Variants in TMC6 observed in about 807,000 individuals in gnomAD.
The protein encoded by TMC6 is transmembrane channel like 6.
In TMC6, 71 loss-of-function variants were observed where a neutral mutation model predicts 95.4. That is an observed-to-expected ratio of 0.74 (90% CI 0.61 to 0.91). TMC6 has a LOEUF of 0.91. Ranked by LOEUF, TMC6 falls within the 40% of genes least tolerant of loss-of-function variation. The pLI is 0.00. For missense variants in TMC6, 1,074 were observed against 1,079.1 expected (o/e 1.00, Z 0.07); for synonymous variants, 514 against 483.1 (o/e 1.06, Z -0.84).
At position 78,112,594 on chromosome 17, in the gene TMC6, T is replaced by C; in HGVS notation, c.*554A>G. 1 of 163,822 alleles carries C rather than the reference T, an allele frequency of 6.1e-6. No individual in the cohort carries two copies. Among genetic ancestry groups the C allele is most frequent in the Non-Finnish European group, 1.3e-5 (1 of 74,652 alleles). 10.1% of individuals were successfully genotyped at this position (163,822 alleles called of 1,614,324 possible). A position where few individuals can be genotyped will look rare whatever the true frequency, so the allele number is the denominator to read the frequency against. The stretch of plus-strand genomic sequence containing the variant: ...GCAACTGATATGTCTCCCCTCCAAG[T>C]CCCTCTCTAAATTTGTCTCCTGCTC... On this transcript the variant is annotated 3_prime_UTR_variant, in exon 20 of 20. Coordinates refer to ENST00000590602, the MANE Select transcript of TMC6 (RefSeq NM_001127198.5).
At position 78,121,375 on chromosome 17, in the gene TMC6, G is replaced by C. The variant is rs960612089; in HGVS notation, c.1383+181C>G. ...CAGAAACCAAAAAATAAAACCGTGA[G>C]ACAGGACAAGGGGCTGAGAAGTGGG... On this transcript the variant is annotated intron_variant, in intron 11 of 19. Coordinates refer to ENST00000590602, the MANE Select transcript of TMC6 (RefSeq NM_001127198.5). This position sits in a 1 kb window ranked among gnomAD's most constrained non-coding sequence, Gnocchi z 5.6. 2.0e-5 allele frequency among the ~76,000 whole-genome samples: 3 copies of C among 152,194 alleles called. No homozygotes were observed. Among genetic ancestry groups the C allele is most frequent in the African/African-American group, 7.2e-5 (3 of 41,458 alleles).
At chr17:78,131,761 C>G (rs914259858), upstream of TMC6, 17 of 1,566,154 alleles carry the variant, frequency 1.1e-5, no homozygotes, top group Admixed American at 1.9e-5. Flanking sequence ...GGGCGCCAGA[C>G]GGTGCGTGGG....
chr17:78,118,939 G>A (rs1436932253), intron 15 of TMC6, 32 bp downstream of exon 15: 2 of 1,571,122 alleles, frequency 1.3e-6, no homozygotes, highest in Admixed American at 1.9e-5. Context: ...CACCCTGCCA[G>A]CCCAGCCCTC....
intron 12 of TMC6, 61 bp downstream of exon 12, chr17:78,120,952 G>T: frequency 6.2e-7 from 1 of 1,612,560 alleles, no homozygotes; most frequent in Non-Finnish European, 8.5e-7. Flanking sequence ...GGATACACCC[G>T]GAGCTAAACA....
At position 78,121,571 on chromosome 17, in the gene TMC6, C is replaced by T. The variant is rs781005432; in HGVS notation, c.1368G>A (p.Ser456=). The change falls in exon 11 of 20, where the codon TCG becomes TCA. Residue 456 remains serine (S), a synonymous_variant. Transcript: ENST00000590602. The surrounding 1 kb of genome is among the most constrained non-coding windows in gnomAD (Gnocchi z 5.6). ...ATCCCCGCACCTGGATCATGAACTCCGAGAAGACGTGGACGGCCACGGCGC... is the reference window on the plus strand; with the variant it reads ...ATCCCCGCACCTGGATCATGAACTCTGAGAAGACGTGGACGGCCACGGCGC... ...LGCAVAVHVF[S]EFMIQSPEAA... The T allele has an allele frequency of 3.7e-5, 60 of 1,611,344 alleles. 1 individual carries two copies. In the South Asian group the frequency reaches 4.0e-4, roughly 11 times the overall value.
At chr17:78,125,043 C>T in intron 6 of TMC6, 58 bp from the exon 7 acceptor site, 1 of 1,542,742 alleles carries the variant, frequency 6.5e-7, no homozygotes, top group Non-Finnish European at 8.7e-7. Context: ...CTCTCTCCTT[C>T]CTGGAGACCG....
At chr17:78,115,169 C>T (rs571935415) in intron 18 of TMC6, among the ~76,000 whole-genome samples, 13 of 152,350 alleles carry the variant, frequency 8.5e-5, no homozygotes, top group Admixed American at 3.3e-4. Context: ...GGAGCCGTCC[C>T]ATGAGTGCTT....
Position 78,122,561 on chromosome 17 carries a change from G to A in TMC6, c.1227+44C>T, listed in dbSNP as rs1025421526. On this transcript the variant is annotated intron_variant, in intron 10 of 19. Transcript: ENST00000590602. This position sits in a 1 kb window ranked among gnomAD's most constrained non-coding sequence, Gnocchi z 4.9. Reference sequence around the variant, plus strand: ...CCTAAGTGGACCCAGGGCCAGGCCTGCAGGGAGCTGGGCAGGCCAGCTTGG... The same window carrying A: ...CCTAAGTGGACCCAGGGCCAGGCCTACAGGGAGCTGGGCAGGCCAGCTTGG... 1 of 1,602,306 alleles carries A rather than the reference G, an allele frequency of 6.2e-7. No homozygotes were observed. Among genetic ancestry groups the A allele is most frequent in the Non-Finnish European group, 8.5e-7 (1 of 1,179,500 alleles).
chr17:78,132,416 T>C, upstream of TMC6: 1 of 1,612,968 alleles, frequency 6.2e-7, no homozygotes, highest in Non-Finnish European at 8.5e-7. Context: ...CTGCTGCTAC[T>C]CAACCTGCTG....
chr17:78,114,288 C>T (rs377701892), intron 18 of TMC6, among the ~76,000 whole-genome samples: 44 of 152,274 alleles, frequency 2.9e-4, no homozygotes, highest in East Asian at 2.3e-3. Context: ...CCTGACACTC[C>T]GGCCTCTGTT....
chr17:78,113,581 A>G lies in TMC6; in HGVS notation c.2321T>C (p.Ile774Thr). Reference protein sequence around the residue: ...KIFLINKLHSIYERKEREERS... With the variant: ...KIFLINKLHSTYERKEREERS... Reference sequence around the variant, plus strand: ...CTCCTCCCTCTCCTTCCTCTCGTAGATGGAGTGAAGCTTGTTGATTAAGAA... The same window carrying G: ...CTCCTCCCTCTCCTTCCTCTCGTAGGTGGAGTGAAGCTTGTTGATTAAGAA... Residue 774 changes from isoleucine (I) to threonine (T), a missense_variant, in exon 19 of 20, where the codon ATC becomes ACC. Ile to Thr is a moderately conservative substitution (Grantham distance 89, BLOSUM62 -1). Transcript: ENST00000590602. 1 of 1,613,928 alleles carries G rather than the reference A, an allele frequency of 6.2e-7. No homozygotes were observed. Among genetic ancestry groups the G allele is most frequent in the Non-Finnish European group, 8.5e-7 (1 of 1,179,984 alleles).
chr17:78,132,191 C>A, upstream of TMC6: 2 of 1,388,198 alleles, frequency 1.4e-6, no homozygotes, highest in Non-Finnish European at 2.0e-6. Context: ...CACCGCAAAC[C>A]TCGGGCCCAC....
rs139654750 is a variant in TMC6 at position 78,124,912 on chromosome 17, G to A, written c.610C>T (p.Arg204Trp). ...GSGGVCSCCG[R>W]LRYACVLALH... ...ACCAGCACGCAGGCATATCTGAGCC[G>A]GCCACAGCAGGAGCAGACCCCGCCG... Residue 204 changes from arginine (R) to tryptophan (W), a missense_variant, in exon 7 of 20, where the codon CGG (arginine) becomes TGG (tryptophan). Physicochemically the swap from Arg to Trp is moderately radical, Grantham distance 101. Coordinates refer to ENST00000590602, the MANE Select transcript of TMC6 (RefSeq NM_001127198.5). 3,397 of 1,597,824 alleles carry A rather than the reference G, an allele frequency of 2.1e-3. 29 individuals carry two copies. The African/African-American group carries it at 0.029, about 14-fold the overall frequency.
chr17:78,114,962 G>A (rs1357124504), intron 18 of TMC6, among the ~76,000 whole-genome samples: 5 of 152,174 alleles, frequency 3.3e-5, no homozygotes, highest in Non-Finnish European at 5.9e-5. Flanking sequence ...TTCCCCGCCC[G>A]GACCCACCTG....
upstream of TMC6, chr17:78,131,919 T>C: frequency 5.3e-6 from 8 of 1,496,940 alleles, no homozygotes; most frequent in Non-Finnish European, 7.1e-6. Context: ...GACCTTGCGC[T>C]GGCAGCGGTG....
rs142835344 is a variant in TMC6, at chr17:78,120,844, G to A, written c.1536-12C>T. 37 of 1,611,418 alleles carry A rather than the reference G, an allele frequency of 2.3e-5. No homozygotes were observed. Among genetic ancestry groups the A allele is most frequent in the Admixed American group, 1.3e-4 (8 of 60,014 alleles). Reference sequence around the variant, plus strand: ...TGAGGATGAGGTTCCTGCGGAGGGCGGGGTGCAAAGGCTGAGGGGCGGGTA... The same window carrying A: ...TGAGGATGAGGTTCCTGCGGAGGGCAGGGTGCAAAGGCTGAGGGGCGGGTA... On this transcript the variant is annotated splice_polypyrimidine_tract_variant and intron_variant, in intron 12 of 19. Transcript: ENST00000590602.
At chr17:78,125,073 C>T in intron 6 of TMC6, 85 bp downstream of exon 6, 1 of 1,541,098 alleles carries the variant, frequency 6.5e-7, no homozygotes, top group Non-Finnish European at 8.7e-7. Context: ...GGGCTCAGCC[C>T]CTTCTCCCCC....
Position 78,111,831 on chromosome 17 carries a change from C to T in TMC6, c.*1317G>A, listed in dbSNP as rs1460951397. The T allele has an allele frequency of 4.9e-6, 1 of 204,160 alleles. No individual in the cohort carries two copies. The highest frequency in any genetic ancestry group is 6.0e-5 in the Admixed American group (1 of 16,700). The allele number at this position is 204,160 out of a possible 1,614,324, so 12.6% of individuals were successfully genotyped here. A position where few individuals can be genotyped will look rare whatever the true frequency, so the allele number is the denominator to read the frequency against. On this transcript the variant is annotated 3_prime_UTR_variant, in exon 20 of 20. Coordinates refer to ENST00000590602, the MANE Select transcript of TMC6 (RefSeq NM_001127198.5). The stretch of plus-strand genomic sequence containing the variant: ...ATTCCCCCAATCCCAAGCGCAGCTC[C>T]TGCAGGCCTGGAGCCCTGGGCTGTG...
At chr17:78,131,323 G>A, upstream of TMC6, 2 of 575,268 alleles carry the variant, frequency 3.5e-6, no homozygotes, top group South Asian at 2.0e-5. Flanking sequence ...TCTGAGAGTT[G>A]GAGCGGGGCT....
Sources: gnomAD v4.1 joint callset for allele counts (sites outside exome capture counted in the v4.1 genomes callset) on GRCh38, gnomAD v4.1.1 for gene constraint, Gnocchi (gnomAD v3.1) non-coding constraint, MANE v1.5 for transcripts, NCBI Gene and HGNC (gene_info 2026-07-23, HGNC 2026-07-21) for gene names.